The following NCKAP5 variants were observed in gnomAD, a reference collection of about 807,000 sequenced individuals.
NCKAP5 encodes NCK associated protein 5.
NCKAP5 carries 92 observed loss-of-function variants against 167.0 expected under a neutral mutation model. The observed-to-expected ratio is 0.55, with a 90% confidence interval of 0.47 to 0.66. The LOEUF is 0.66. NCKAP5 is among the 30% of genes least tolerant of loss of function. The pLI, the probability that NCKAP5 is intolerant of heterozygous loss-of-function variation, is 0.00. For missense variants in NCKAP5, 2,378 were observed against 2,315.0 expected, an observed-to-expected ratio of 1.03 and a Z score of -0.56; for synonymous variants, 891 against 877.4, an observed-to-expected ratio of 1.02 and a Z score of -0.27.
At chr2:132,977,122 CAG>C (rs1475951350) in intron 7 of NCKAP5, among the ~76,000 whole-genome samples, 1 of 152,132 alleles carries the variant, frequency 6.6e-6, no homozygotes, top group Non-Finnish European at 1.5e-5. Flanking sequence ...GTAAGACTCT[CAG>C]GGGCAGGAAT....
intron 4 of NCKAP5, among the ~76,000 whole-genome samples, chr2:133,284,528 G>A (rs761060816): frequency 7.9e-5 from 12 of 152,142 alleles, no homozygotes; most frequent in South Asian, 2.1e-4. Flanking sequence ...ATGATGCACC[G>A]TGGCAATTCT....
chr2:132,729,005 C>T, intron 17 of NCKAP5, 53 bp from the exon 18 acceptor site: 1 of 1,602,842 alleles, frequency 6.2e-7, no homozygotes, highest in Non-Finnish European at 8.5e-7. Flanking sequence ...CAACATTTTA[C>T]AAGTTTAGGG....
intron 2 of NCKAP5, among the ~76,000 whole-genome samples, chr2:133,528,572 C>T (rs1685107027): frequency 1.3e-5 from 2 of 152,188 alleles, no homozygotes; most frequent in African/African-American, 4.8e-5. Context: ...GGATCTGAAA[C>T]TTAAAACAGA....
At chr2:133,647,352 A>AAAGGAAGGAAGG in the NCKAP5 span, among the ~76,000 whole-genome samples, 1 of 121,894 alleles carries the variant, frequency 8.2e-6, no homozygotes, top group Non-Finnish European at 1.6e-5. Context: ...GAAAGAAAGG[A>AAAGGAAGGAAGG]AAGAAAGGAA....
In NCKAP5 at chr2:132,781,085, G is replaced by C; in HGVS notation, c.5016C>G (p.Ile1672Met). The change falls in exon 15 of 20, where the codon ATC (isoleucine) becomes ATG (methionine). Residue 1672 changes from isoleucine to methionine, a missense_variant. This residue lies in a region of NCKAP5 where 1,325 missense variants were observed against 1,274.5 expected (regional missense o/e 1.04). Transcript: ENST00000409261. ...CTTTTGGTACTTCCATATCGGCTTT[G>C]ATTTTCATGTTTTTCTTGTGGTTTC... ...TQGNHKKNMKIKADMEVPKDS... is the reference protein window; with the variant it reads ...TQGNHKKNMKMKADMEVPKDS... 1 of 1,613,730 alleles carries C rather than the reference G, an allele frequency of 6.2e-7. No homozygotes were observed. The highest frequency in any genetic ancestry group is 1.6e-4 in the Middle Eastern group (1 of 6,062).
At chr2:133,534,716 T>C (rs1307394846) in intron 2 of NCKAP5, among the ~76,000 whole-genome samples, 1 of 152,216 alleles carries the variant, frequency 6.6e-6, no homozygotes, top group African/African-American at 2.4e-5. Context: ...GTATACCATA[T>C]TTTATTTATA....
intron 8 of NCKAP5, among the ~76,000 whole-genome samples, chr2:132,917,535 A>C (rs1450626579): frequency 6.6e-6 from 1 of 152,090 alleles, no homozygotes; most frequent in Non-Finnish European, 1.5e-5. Flanking sequence ...TTCTGCTTTA[A>C]AATTTATAAT....
intron 3 of NCKAP5, among the ~76,000 whole-genome samples, chr2:133,446,828 A>T (rs1250600166): frequency 6.6e-6 from 1 of 152,148 alleles, no homozygotes; most frequent in African/African-American, 2.4e-5. Flanking sequence ...AGAAGAGGTG[A>T]GAAGTGAGGG....
chr2:132,973,998 G>A (rs1177115163), intron 7 of NCKAP5, among the ~76,000 whole-genome samples: 3 of 152,096 alleles, frequency 2.0e-5, no homozygotes, highest in Non-Finnish European at 2.9e-5. Context: ...ACTAACTCTG[G>A]TGGTGGACAC....
At chr2:133,569,848 T>A (rs1045038791), upstream of NCKAP5, among the ~76,000 whole-genome samples, 2 of 152,226 alleles carry the variant, frequency 1.3e-5, no homozygotes, top group African/African-American at 4.8e-5. Flanking sequence ...ATGTCACTGA[T>A]GGGTCTTCAA....
chr2:133,429,496 G>T (rs6430417), intron 3 of NCKAP5, among the ~76,000 whole-genome samples: 56,523 of 151,720 alleles, frequency 0.37, 12,011 homozygotes, highest in African/African-American at 0.59. Context: ...CCTCCTTCAA[G>T]GTCTACTGTT....
At chr2:132,772,139 T>C (rs543265119) in intron 16 of NCKAP5, among the ~76,000 whole-genome samples, 1 of 152,178 alleles carries the variant, frequency 6.6e-6, no homozygotes, top group Non-Finnish European at 1.5e-5. Context: ...GGCTATATCA[T>C]ATAGCCTAGG....
intron 6 of NCKAP5, among the ~76,000 whole-genome samples, chr2:133,039,583 A>G (rs1317221293): frequency 6.6e-6 from 1 of 152,162 alleles, no homozygotes; most frequent in Non-Finnish European, 1.5e-5. Flanking sequence ...CTAACCTAGG[A>G]GATCAAAGAC....
At chr2:133,161,210 C>T (rs775102047) in intron 5 of NCKAP5, among the ~76,000 whole-genome samples, 6 of 152,128 alleles carry the variant, frequency 3.9e-5, no homozygotes, top group Non-Finnish European at 7.4e-5. Flanking sequence ...ACTTCCACCC[C>T]CAGCCCATGG....
chr2:132,696,507 C>T (rs573264422), intron 19 of NCKAP5, among the ~76,000 whole-genome samples: 10 of 152,268 alleles, frequency 6.6e-5, no homozygotes, highest in Non-Finnish European at 1.3e-4. Flanking sequence ...TGAAGTCCAA[C>T]GACTTCACTG....
the NCKAP5 span, among the ~76,000 whole-genome samples, chr2:133,591,035 T>C: frequency 6.6e-6 from 1 of 152,122 alleles, no homozygotes; most frequent in Admixed American, 6.5e-5. Flanking sequence ...TATATGAGTG[T>C]GTGTGAGTGT....
At chr2:133,570,169 G>T (rs751925554), upstream of NCKAP5, among the ~76,000 whole-genome samples, 1 of 152,182 alleles carries the variant, frequency 6.6e-6, no homozygotes, top group Non-Finnish European at 1.5e-5. Flanking sequence ...ACACGAAAAA[G>T]AACTTTGCAT....
intron 6 of NCKAP5, among the ~76,000 whole-genome samples, chr2:133,045,383 CTA>C (rs1023409143): frequency 1.3e-5 from 2 of 151,264 alleles, no homozygotes; most frequent in Non-Finnish European, 2.9e-5. Context: ...CTATATCTAT[CTA>C]TATATATATA....
intron 3 of NCKAP5, among the ~76,000 whole-genome samples, chr2:133,473,920 G>A (rs1330904838): frequency 6.6e-6 from 1 of 152,144 alleles, no homozygotes; most frequent in Non-Finnish European, 1.5e-5. Context: ...AATAAAGAGA[G>A]TTCCATTTAA....
Sources: gnomAD v4.1 joint callset for allele counts (sites outside exome capture counted in the v4.1 genomes callset) on GRCh38, gnomAD v4.1.1 for gene constraint, gnomAD v4.1.1 regional missense constraint, MANE v1.5 for transcripts, NCBI Gene and HGNC (gene_info 2026-07-23, HGNC 2026-07-21) for gene names.